The following BSND variants were observed in gnomAD, a reference collection of about 807,000 sequenced individuals.
BSND encodes barttin CLCNK type accessory subunit beta.
Under a neutral mutation model 18.8 loss-of-function variants are expected in BSND, and 13 were observed. The observed-to-expected ratio is 0.69, with a 90% CI of 0.45 to 1.10. BSND has a LOEUF of 1.10. Ranked by LOEUF, BSND falls within the 50% of genes least tolerant of loss-of-function variation. The pLI, the probability that BSND is intolerant of heterozygous loss-of-function variation, is 0.00. For missense variants in BSND, 379 were observed against 416.7 expected, an observed-to-expected ratio of 0.91 and a Z score of 0.79; for synonymous variants, 170 against 161.8, an observed-to-expected ratio of 1.05 and a Z score of -0.39.
chr1:55,005,260 C>G (rs1644383717), intron 2 of BSND, 144 bp downstream of exon 2: 1 of 716,918 alleles, frequency 1.4e-6, no homozygotes, highest in Non-Finnish European at 2.3e-6. Flanking sequence ...CTGTTTTCAA[C>G]TCTCAATTCT....
rs1415499002 is a variant in BSND at position 55,008,916 on chromosome 1, T to C, written c.*288T>C. ...AGCATTTTCCACCTTCCCCCAAAGCTGACCTCTGAGAGGAACCTTCCTTGG... is the reference window on the plus strand; with the variant it reads ...AGCATTTTCCACCTTCCCCCAAAGCCGACCTCTGAGAGGAACCTTCCTTGG... On this transcript the variant is annotated 3_prime_UTR_variant, in exon 4 of 4. Coordinates refer to ENST00000651561, the MANE Select transcript of BSND (RefSeq NM_057176.3). The C allele has an allele frequency of 2.1e-6, 1 of 486,710 alleles. No individual in the cohort carries two copies. Among genetic ancestry groups the C allele is most frequent in the East Asian group, 4.0e-5 (1 of 24,864 alleles). 30.1% of individuals were successfully genotyped at this position (486,710 alleles called of 1,614,324 possible).
intron 3 of BSND, 81 bp from the exon 4 acceptor site, chr1:55,008,133 T>C (rs1644400794): frequency 8.2e-7 from 1 of 1,216,234 alleles, no homozygotes; most frequent in East Asian, 2.4e-5. Context: ...CTACCCTAGG[T>C]CTTGCAGCTA....
rs1258662349 is a variant in BSND at position 55,009,224 on chromosome 1, C to T, written c.*596C>T. The T allele has an allele frequency of 6.2e-6, 1 of 160,968 alleles. No homozygotes were observed. Among genetic ancestry groups the T allele is most frequent in the African/African-American group, 2.4e-5 (1 of 41,502 alleles). The allele number at this position is 160,968 out of a possible 1,614,324, so 10.0% of individuals were successfully genotyped here. A position where few individuals can be genotyped will look rare whatever the true frequency, so the allele number is the denominator to read the frequency against. ...CACTCTTGCCCAAGCTGTTCTCCTCCACCAGGATGCCCTTGGCTCCCTTTT... is the reference window on the plus strand; with the variant it reads ...CACTCTTGCCCAAGCTGTTCTCCTCTACCAGGATGCCCTTGGCTCCCTTTT... On this transcript the variant is annotated 3_prime_UTR_variant, in exon 4 of 4. Transcript: ENST00000651561.
chr1:55,006,583 C>T (rs1434700560), intron 2 of BSND, among the ~76,000 whole-genome samples: 1 of 152,166 alleles, frequency 6.6e-6, no homozygotes, highest in Non-Finnish European at 1.5e-5. Flanking sequence ...CTGGGTATGT[C>T]CTCATCTGTA....
At position 55,013,256 on chromosome 1, in the gene BSND, C is replaced by T. The variant is rs946269323; in HGVS notation, c.*4628C>T. On this transcript the variant is annotated 3_prime_UTR_variant, in exon 4 of 4. Transcript: ENST00000651561. ...TCAGCTTGCTGCAACCTCCACCTCC[C>T]GGGTTCAAGTGATTCTCCTGCCTCA... is the stretch of plus-strand genomic sequence containing the variant. Among the ~76,000 whole-genome samples, 3 of 152,128 alleles carry T rather than the reference C, an allele frequency of 2.0e-5. No individual in the cohort carries two copies. The highest frequency in any genetic ancestry group is 4.8e-5 in the African/African-American group (2 of 41,416).
chr1:55,007,035 A>G lies in BSND; in HGVS notation c.311A>G (p.Glu104Gly), dbSNP rs1390232346. 1 of 1,614,092 alleles carries G rather than the reference A, an allele frequency of 6.2e-7. No individual in the cohort carries two copies. The highest frequency in any genetic ancestry group is 2.2e-5 in the East Asian group (1 of 44,864). Reference protein sequence around the residue: ...PQPPYVRLWEEAAYDQSLPDF... With the variant: ...PQPPYVRLWEGAAYDQSLPDF... ...CCGCCCTATGTAAGGCTGTGGGAGGAAGCCGCCTATGACCAGAGCCTGCCT... is the reference window on the plus strand; with the variant it reads ...CCGCCCTATGTAAGGCTGTGGGAGGGAGCCGCCTATGACCAGAGCCTGCCT... The change falls in exon 3 of 4, where the codon GAA becomes GGA. Residue 104 changes from glutamate (E) to glycine (G), a missense_variant. By Grantham distance (98) the Glu-to-Gly change is moderately conservative. Transcript: ENST00000651561.
rs1231715033 is a variant in BSND at position 55,010,696 on chromosome 1, T to C, written c.*2068T>C. ...TCATTTCTGCCTCTGCAGTGAAGGATGCCACAGGGTACACCCTCTCTGCTG... is the reference window on the plus strand; with the variant it reads ...TCATTTCTGCCTCTGCAGTGAAGGACGCCACAGGGTACACCCTCTCTGCTG... On this transcript the variant is annotated 3_prime_UTR_variant, in exon 4 of 4. Transcript: ENST00000651561. 6.6e-6 allele frequency: 1 copy of C among 152,298 alleles called. No individual in the cohort carries two copies. Among genetic ancestry groups the C allele is most frequent in the Non-Finnish European group, 1.5e-5 (1 of 68,146 alleles). 9.4% of individuals were successfully genotyped at this position (152,298 alleles called of 1,614,324 possible).
chr1:55,007,222 G>T lies in BSND; in HGVS notation c.498G>T (p.Lys166Asn). 4.3e-6 allele frequency: 7 copies of T among 1,613,310 alleles called. No individual in the cohort carries two copies. Among genetic ancestry groups the T allele is most frequent in the Non-Finnish European group, 5.9e-6 (7 of 1,179,272 alleles). Residue 166 changes from lysine (K) to asparagine (N), a missense_variant, in exon 3 of 4, where the codon AAG becomes AAT. Lys to Asn is a moderately conservative substitution (Grantham distance 94). Transcript: ENST00000651561. ...TGGAGGCTGCCGTGGTCATCCACAAGGGCTCAGACGAGAGTGAAGGGGAAA... is the reference window on the plus strand; with the variant it reads ...TGGAGGCTGCCGTGGTCATCCACAATGGCTCAGACGAGAGTGAAGGGGAAA... ...AWMEAAVVIH[K>N]GSDESEGERR...
rs1446913946 is a variant in BSND, at chr1:55,015,322, A to T, written c.*6694A>T. On this transcript the variant is annotated 3_prime_UTR_variant, in exon 4 of 4. Coordinates refer to ENST00000651561, the MANE Select transcript of BSND (RefSeq NM_057176.3). ...CCTGGATTCCTCCTTGCTGACCACAAATCCAGCAGAGCAGGGCAGGGAACC... is the reference window on the plus strand; with the variant it reads ...CCTGGATTCCTCCTTGCTGACCACATATCCAGCAGAGCAGGGCAGGGAACC... Among the ~76,000 whole-genome samples, 1 of 152,158 alleles carries T rather than the reference A, an allele frequency of 6.6e-6. No homozygotes were observed. Among genetic ancestry groups the T allele is most frequent in the African/African-American group, 2.4e-5 (1 of 41,434 alleles).
chr1:54,999,103 G>T lies in BSND; in HGVS notation c.-84G>T. The T allele has an allele frequency of 1.3e-6, 2 of 1,547,660 alleles. No individual in the cohort carries two copies. The highest frequency in any genetic ancestry group is 1.1e-5 in the South Asian group (1 of 89,694). ...AGCGATTTCAGTGTCTTCTCTCCCT[G>T]TGTAAGCCTGTCTCGGTGTTTAGGC... On this transcript the variant is annotated 5_prime_UTR_variant, in exon 1 of 4. Transcript: ENST00000651561.
In BSND at chr1:55,007,164, G is replaced by A. The variant is rs1644395654; in HGVS notation, c.440G>A (p.Gly147Glu). ...CCGAAGCTGGGAACCAGTGATGGAGGAGAAGGTGGCCCTGGCGACGTTCAG... is the reference window on the plus strand; with the variant it reads ...CCGAAGCTGGGAACCAGTGATGGAGAAGAAGGTGGCCCTGGCGACGTTCAG... The part of the protein sequence containing the change: ...GQPKLGTSDG[G>E]EGGPGDVQAW... Residue 147 changes from glycine to glutamate, a missense_variant, in exon 3 of 4, where the codon GGA (glycine) becomes GAA (glutamate). Coordinates refer to ENST00000651561, the MANE Select transcript of BSND (RefSeq NM_057176.3). The A allele has an allele frequency of 1.2e-6, 2 of 1,614,234 alleles. No homozygotes were observed. The highest frequency in any genetic ancestry group is 1.7e-6 in the Non-Finnish European group (2 of 1,180,038).
chr1:55,009,526 A>G lies in BSND; in HGVS notation c.*898A>G, dbSNP rs1289951507. The G allele has an allele frequency of 6.6e-6, 1 of 152,270 alleles. No individual in the cohort carries two copies. The highest frequency in any genetic ancestry group is 1.5e-5 in the Non-Finnish European group (1 of 68,080). 9.4% of individuals were successfully genotyped at this position (152,270 alleles called of 1,614,324 possible). A position where few individuals can be genotyped will look rare whatever the true frequency, so the allele number is the denominator to read the frequency against. On this transcript the variant is annotated 3_prime_UTR_variant, in exon 4 of 4. Transcript: ENST00000651561. The stretch of plus-strand genomic sequence containing the variant: ...GGGTGTACAGAACTCACCAGGACCC[A>G]GGAACCTGTTGCAGATAAAATCACT...
At chr1:55,005,697 C>T (rs1444638338) in intron 2 of BSND, among the ~76,000 whole-genome samples, 2 of 152,242 alleles carry the variant, frequency 1.3e-5, no homozygotes, top group African/African-American at 2.4e-5. Context: ...TAGTAAGTGC[C>T]TTCTGTGTGC....
At chr1:55,006,442 G>A (rs768749805) in intron 2 of BSND, among the ~76,000 whole-genome samples, 12 of 152,138 alleles carry the variant, frequency 7.9e-5, no homozygotes, top group Admixed American at 2.6e-4. Context: ...CATGTCACCC[G>A]GGTACAAGTC....
At chr1:55,002,207 C>A (rs891818381) in intron 1 of BSND, among the ~76,000 whole-genome samples, 4 of 152,228 alleles carry the variant, frequency 2.6e-5, no homozygotes, top group Non-Finnish European at 4.4e-5. Flanking sequence ...ATAGCACCAG[C>A]ACTTCCACCC....
In BSND at chr1:54,999,269, A is replaced by G. The variant is rs764685237; in HGVS notation, c.83A>G (p.His28Arg). Residue 28 changes from histidine (H) to arginine (R), a missense_variant, in exon 1 of 4, where the codon CAT (histidine) becomes CGT (arginine). His to Arg is a conservative substitution (Grantham distance 29, BLOSUM62 0). Transcript: ENST00000651561. ...GCCCTCGGTACGTTCCTCATGAGCC[A>G]TGATCGGCCCCAGGTCTACGGCACC... ...LLALGTFLMSHDRPQVYGTFY... is the reference protein window; with the variant it reads ...LLALGTFLMSRDRPQVYGTFY... 5.0e-6 allele frequency: 8 copies of G among 1,614,086 alleles called. No individual in the cohort carries two copies. Among genetic ancestry groups the G allele is most frequent in the African/African-American group, 1.3e-5 (1 of 74,998 alleles).
Position 55,008,777 on chromosome 1 carries a change from G to A in BSND, c.*149G>A. ...TGAGAATGGTAAAGAAATACACAGG[G>A]AGGGGATGATGACTATTAGTGGACT... is the stretch of plus-strand genomic sequence containing the variant. On this transcript the variant is annotated 3_prime_UTR_variant, in exon 4 of 4. Coordinates refer to ENST00000651561, the MANE Select transcript of BSND (RefSeq NM_057176.3). 1.7e-6 allele frequency: 2 copies of A among 1,206,818 alleles called. No individual in the cohort carries two copies. Among genetic ancestry groups the A allele is most frequent in the South Asian group, 2.6e-5 (2 of 77,864 alleles). The allele number at this position is 1,206,818 out of a possible 1,614,324, so 74.8% of individuals were successfully genotyped here.
intron 3 of BSND, 38 bp from the exon 4 acceptor site, chr1:55,008,176 C>A: frequency 6.3e-7 from 1 of 1,586,720 alleles, no homozygotes. Flanking sequence ...CATTCTGACT[C>A]AGAGATACCC....
chr1:54,999,475 C>T (rs1414271183), intron 1 of BSND, 112 bp downstream of exon 1: 1 of 1,126,100 alleles, frequency 8.9e-7, no homozygotes. Context: ...TTTCATTCTT[C>T]TCATTTTGAC....
Sources: allele counts gnomAD v4.1 joint callset (sites outside exome capture counted in the v4.1 genomes callset), GRCh38; gene constraint gnomAD v4.1.1; transcripts MANE v1.5; gene names NCBI Gene and HGNC (gene_info 2026-07-23, HGNC 2026-07-21).